Variants in LRRTM3 observed in about 807,000 individuals in gnomAD.
The protein encoded by LRRTM3 is leucine-rich repeat transmembrane neuronal protein 3.
A neutral mutation model predicts 44.7 loss-of-function variants in LRRTM3; 24 were observed. The ratio of observed to expected loss-of-function variants is 0.54; its 90% CI spans 0.39 to 0.76. The LOEUF (loss-of-function observed/expected upper bound fraction) is 0.76, where lower values mean the gene tolerates loss of function less well. LRRTM3 is among the 30% of genes least tolerant of loss of function. The pLI is 0.00. For missense variants in LRRTM3, 587 were observed against 702.2 expected (o/e 0.84, Z 1.85); for synonymous variants, 277 against 278.7 (o/e 0.99, Z 0.06).
intron 2 of LRRTM3, among the ~76,000 whole-genome samples, chr10:66,962,437 G>A (rs1335352056): frequency 6.7e-6 from 1 of 149,738 alleles, no homozygotes; most frequent in Non-Finnish European, 1.5e-5. Flanking sequence ...TTGAGACAGA[G>A]TCTCACTCTG....
At chr10:66,978,906 T>C (rs1850239043) in intron 2 of LRRTM3, among the ~76,000 whole-genome samples, 1 of 150,438 alleles carries the variant, frequency 6.6e-6, no homozygotes, top group Non-Finnish European at 1.5e-5. Flanking sequence ...CATTACTAAA[T>C]CTTGACTAGC....
intron 2 of LRRTM3, among the ~76,000 whole-genome samples, chr10:67,067,595 A>G (rs1856171119): frequency 6.6e-6 from 1 of 152,254 alleles, no homozygotes; most frequent in African/African-American, 2.4e-5. Context: ...CCCCAAGCTT[A>G]TCTAATAAAA....
At chr10:66,935,993 T>C (rs1847674115) in intron 2 of LRRTM3, among the ~76,000 whole-genome samples, 1 of 152,144 alleles carries the variant, frequency 6.6e-6, no homozygotes, top group African/African-American at 2.4e-5. Flanking sequence ...AACATCCCTC[T>C]GCTAGTTAAA....
In LRRTM3 at chr10:66,926,040, G is replaced by A; in HGVS notation, c.-544G>A. 8.8e-6 allele frequency: 4 copies of A among 456,966 alleles called. No homozygotes were observed. Among genetic ancestry groups the A allele is most frequent in the South Asian group, 3.1e-5 (2 of 64,574 alleles). The allele number at this position is 456,966 out of a possible 1,614,324, so 28.3% of individuals were successfully genotyped here. The stretch of plus-strand genomic sequence containing the variant: ...TGCATTCACTGAAACCAAAGCAACA[G>A]TCCGAGCAGCTTTCAGAATGACAGT... On this transcript the variant is annotated 5_prime_UTR_variant, in exon 1 of 3. Transcript: ENST00000361320.
intron 2 of LRRTM3, among the ~76,000 whole-genome samples, chr10:66,996,649 CAAAAAAA>C (rs57025097): frequency 1.5e-5 from 1 of 67,644 alleles, no homozygotes; most frequent in Non-Finnish European, 2.5e-5. Context: ...TCCGTCTCTA[CAAAAAAA>C]AAAAAAAAAA....
intron 2 of LRRTM3, among the ~76,000 whole-genome samples, chr10:67,014,301 AT>A (rs1316300696): frequency 6.6e-6 from 1 of 152,136 alleles, no homozygotes. Context: ...TTACACAAAA[AT>A]TGTAATTTAT....
chr10:66,950,504 A>C (rs1848487236), intron 2 of LRRTM3, among the ~76,000 whole-genome samples: 1 of 152,132 alleles, frequency 6.6e-6, no homozygotes, highest in Non-Finnish European at 1.5e-5. Flanking sequence ...ATTAAACAAA[A>C]GATCCTTATT....
At chr10:67,000,281 C>T (rs972224347) in intron 2 of LRRTM3, among the ~76,000 whole-genome samples, 2 of 152,156 alleles carry the variant, frequency 1.3e-5, no homozygotes, top group African/African-American at 4.8e-5. Context: ...ACTCCTCTTA[C>T]ATAAATAATT....
intron 2 of LRRTM3, among the ~76,000 whole-genome samples, chr10:67,000,338 C>G (rs1391102622): frequency 6.6e-6 from 1 of 152,110 alleles, no homozygotes; most frequent in Non-Finnish European, 1.5e-5. Flanking sequence ...CTTGCTGACC[C>G]AATAGACAAG....
intron 2 of LRRTM3, among the ~76,000 whole-genome samples, chr10:67,096,849 T>C (rs79569818): frequency 0.017 from 2,648 of 151,998 alleles, 84 homozygotes; most frequent in East Asian, 0.12. Context: ...ATAGGAACCA[T>C]AGATTTTTCC....
intron 2 of LRRTM3, among the ~76,000 whole-genome samples, chr10:67,017,449 T>G (rs1163990223): frequency 6.6e-6 from 1 of 152,192 alleles, no homozygotes; most frequent in Non-Finnish European, 1.5e-5. Flanking sequence ...ATCTACTCTG[T>G]GAGCCACGAT....
chr10:66,946,904 T>C (rs1848301313), intron 2 of LRRTM3, among the ~76,000 whole-genome samples: 1 of 152,172 alleles, frequency 6.6e-6, no homozygotes, highest in Non-Finnish European at 1.5e-5. Flanking sequence ...AATGAAAATT[T>C]TCCTACAGTC....
intron 2 of LRRTM3, among the ~76,000 whole-genome samples, chr10:67,094,993 G>A (rs928693867): frequency 6.0e-5 from 9 of 151,208 alleles, no homozygotes; most frequent in African/African-American, 2.2e-4. Context: ...GAAACTATAA[G>A]TAATTGGCTT....
chr10:67,028,013 A>G (rs1853496539), intron 2 of LRRTM3, among the ~76,000 whole-genome samples: 1 of 152,176 alleles, frequency 6.6e-6, no homozygotes. Context: ...AGCTGGTATT[A>G]ACTGTATTTC....
intron 2 of LRRTM3, among the ~76,000 whole-genome samples, chr10:67,044,897 G>A (rs998478889): frequency 6.6e-6 from 1 of 152,052 alleles, no homozygotes; most frequent in Non-Finnish European, 1.5e-5. Context: ...CCTTCTTAGC[G>A]CCTCTATTTC....
chr10:66,981,583 T>A (rs1313693067), intron 2 of LRRTM3, among the ~76,000 whole-genome samples: 1 of 152,228 alleles, frequency 6.6e-6, no homozygotes, highest in Admixed American at 6.5e-5. Context: ...TGTAGCTAAA[T>A]CTAAATCTGC....
intron 2 of LRRTM3, among the ~76,000 whole-genome samples, chr10:67,067,791 CTA>C (rs1385219527): frequency 1.6e-4 from 24 of 152,158 alleles, no homozygotes; most frequent in African/African-American, 5.6e-4. Context: ...TCTGGGCACA[CTA>C]TGTGCTGGAT....
At chr10:67,039,959 G>A (rs1854293266) in intron 2 of LRRTM3, among the ~76,000 whole-genome samples, 1 of 152,158 alleles carries the variant, frequency 6.6e-6, no homozygotes, top group African/African-American at 2.4e-5. Context: ...CATATTAGCT[G>A]TCTGGGGGTT....
At chr10:66,994,222 A>G (rs1183697875) in intron 2 of LRRTM3, among the ~76,000 whole-genome samples, 2 of 152,214 alleles carry the variant, frequency 1.3e-5, no homozygotes, top group African/African-American at 4.8e-5. Context: ...CCAGTGGTTA[A>G]AAGGAAAAGA....
Sources: allele counts gnomAD v4.1 joint callset (sites outside exome capture counted in the v4.1 genomes callset), GRCh38; gene constraint gnomAD v4.1.1; transcripts MANE v1.5; gene names NCBI Gene and HGNC (gene_info 2026-07-23, HGNC 2026-07-21).